Variants in IL1RAPL2 observed in about 807,000 individuals in gnomAD.
IL1RAPL2 encodes the protein X-linked interleukin-1 receptor accessory protein-like 2.
Under a neutral mutation model 44.1 loss-of-function variants are expected in IL1RAPL2, and 3 were observed. The ratio of observed to expected loss-of-function variants is 0.07; its 90% CI spans 0.03 to 0.18. The LOEUF (loss-of-function observed/expected upper bound fraction) is 0.18, where lower values mean the gene tolerates loss of function less well. Ranked by LOEUF, IL1RAPL2 falls within the 10% of genes least tolerant of loss-of-function variation. The pLI, the probability that IL1RAPL2 is intolerant of heterozygous loss-of-function variation, is 1.00. For missense variants in IL1RAPL2, 391 were observed against 496.4 expected (o/e 0.79, Z 2.02); for synonymous variants, 181 against 178.8 (o/e 1.01, Z -0.10).
intron 2 of IL1RAPL2, among the ~76,000 whole-genome samples, chrX:105,033,337 G>C (rs1011469683): frequency 2.7e-5 from 3 of 111,631 alleles, no homozygotes; most frequent in South Asian, 3.7e-4. Context: ...TTTACATTTT[G>C]GCATGTTTTT....
chrX:104,576,688 T>A lies in IL1RAPL2; in HGVS notation c.-20+9637T>A, dbSNP rs148580010. Among the ~76,000 whole-genome samples, 319 of 111,945 alleles carry A rather than the reference T, an allele frequency of 2.8e-3. 3 individuals are homozygous for A. Among genetic ancestry groups the A allele is most frequent in the African/African-American group, 9.7e-3 (300 of 30,884 alleles). On this transcript the variant is annotated intron_variant, in intron 1 of 10. Coordinates refer to ENST00000372582, the MANE Select transcript of IL1RAPL2 (RefSeq NM_017416.2). The stretch of plus-strand genomic sequence containing the variant: ...CCTAATAACTGCTTTATAATATCAT[T>A]TCCTTTGTTATCCAGCCTAAACTTT...
intron 7 of IL1RAPL2, among the ~76,000 whole-genome samples, chrX:105,738,519 T>C (rs2038468922): frequency 9.0e-6 from 1 of 111,412 alleles, no homozygotes; most frequent in African/African-American, 3.3e-5. Context: ...AGATGAGAAT[T>C]ACTTCTGCTT....
chrX:105,371,471 T>G (rs994433819), intron 5 of IL1RAPL2, among the ~76,000 whole-genome samples: 16 of 111,368 alleles, frequency 1.4e-4, no homozygotes, highest in Admixed American at 1.2e-3. Context: ...TTATCCCTAT[T>G]TTGAAAAAAT....
At chrX:105,241,369 T>C (rs2034169634) in intron 4 of IL1RAPL2, among the ~76,000 whole-genome samples, 1 of 111,943 alleles carries the variant, frequency 8.9e-6, no homozygotes, top group Admixed American at 9.5e-5. Context: ...AGGAAAGACT[T>C]AGCTTTCCAA....
intron 5 of IL1RAPL2, among the ~76,000 whole-genome samples, chrX:105,380,783 T>C (rs1475021581): frequency 8.9e-6 from 1 of 111,913 alleles, no homozygotes; most frequent in East Asian, 2.8e-4. Context: ...GTCTCCTTTG[T>C]ATTGATTGGC....
chrX:105,078,541 C>G (rs780521638), intron 2 of IL1RAPL2, among the ~76,000 whole-genome samples: 2 of 112,218 alleles, frequency 1.8e-5, no homozygotes, highest in Non-Finnish European at 3.8e-5. Context: ...GCTGGGAGAA[C>G]CACTACTCTC....
At chrX:105,186,403 A>G (rs1556133913) in intron 2 of IL1RAPL2, among the ~76,000 whole-genome samples, 1 of 111,990 alleles carries the variant, frequency 8.9e-6, no homozygotes. Flanking sequence ...TGGGATATGC[A>G]TGGAAGGTGG....
chrX:105,311,623 C>T lies in IL1RAPL2; in HGVS notation c.697+44082C>T, dbSNP rs948988252. ...GATTATACATACATACACACACACA[C>T]ACACACACACACACACACATATATA... is the stretch of plus-strand genomic sequence containing the variant. On this transcript the variant is annotated intron_variant, in intron 5 of 10. Transcript: ENST00000372582. Among the ~76,000 whole-genome samples, 26 of 96,580 alleles carry T rather than the reference C, an allele frequency of 2.7e-4. No homozygotes were observed. In the East Asian group the frequency reaches 3.2e-3, roughly 12 times the overall value. The allele number at this position is 96,580 out of a possible 115,157, so 83.9% of individuals were successfully genotyped here. A position where few individuals can be genotyped will look rare whatever the true frequency, so the allele number is the denominator to read the frequency against.
At chrX:104,603,254 T>C (rs1347427496) in intron 1 of IL1RAPL2, among the ~76,000 whole-genome samples, 1 of 110,704 alleles carries the variant, frequency 9.0e-6, no homozygotes. Flanking sequence ...GAAGGAAAAC[T>C]AACAGAAAGG....
chrX:105,054,494 C>A (rs1444329487), intron 2 of IL1RAPL2, among the ~76,000 whole-genome samples: 1 of 111,760 alleles, frequency 8.9e-6, no homozygotes, highest in Non-Finnish European at 1.9e-5. Context: ...CTATGTTGCC[C>A]AGGCTGGCCT....
At chrX:105,033,980 T>A (rs1295475729) in intron 2 of IL1RAPL2, among the ~76,000 whole-genome samples, 1 of 111,844 alleles carries the variant, frequency 8.9e-6, no homozygotes, top group Non-Finnish European at 1.9e-5. Flanking sequence ...CATTTCATGT[T>A]CCATCACAGA....
At chrX:104,666,096 AGT>A (rs775436800) in intron 2 of IL1RAPL2, among the ~76,000 whole-genome samples, 70 of 105,926 alleles carry the variant, frequency 6.6e-4, no homozygotes, top group Non-Finnish European at 1.1e-3. Context: ...TAACCTTAAA[AGT>A]GTGTGTGTGT....
chrX:104,853,371 C>A (rs1453113112), intron 2 of IL1RAPL2, among the ~76,000 whole-genome samples: 2 of 111,183 alleles, frequency 1.8e-5, no homozygotes, highest in Non-Finnish European at 3.8e-5. Context: ...AAGCCCTAGG[C>A]AATCTTTAAT....
chrX:104,835,996 G>T (rs1479738036), intron 2 of IL1RAPL2, among the ~76,000 whole-genome samples: 1 of 111,759 alleles, frequency 8.9e-6, no homozygotes, highest in African/African-American at 3.3e-5. Flanking sequence ...CTAATGGGAT[G>T]ATCCATTCTG....
At chrX:104,964,199 C>A (rs1274092501) in intron 2 of IL1RAPL2, among the ~76,000 whole-genome samples, 1 of 111,113 alleles carries the variant, frequency 9.0e-6, no homozygotes, top group Non-Finnish European at 1.9e-5. Flanking sequence ...TTTGTCTTTG[C>A]CTGAAAAATA....
rs113785568 is a variant in IL1RAPL2 at position 105,721,416 on chromosome X, C to CAA, written c.902+3930_902+3931dup. On this transcript the variant is annotated intron_variant, in intron 7 of 10. Transcript: ENST00000372582. Reference sequence around the variant, plus strand: ...GGGTGACAAGAGTGAAACTCCATCTCAAAAAAAAAAATCAAAATTAATACA... The same window carrying CAA: ...GGGTGACAAGAGTGAAACTCCATCTCAAAAAAAAAAAAATCAAAATTAATACA... Among the ~76,000 whole-genome samples the CAA allele has an allele frequency of 3.5e-4, 36 of 103,135 alleles. 1 individual carries two copies. The highest frequency in any genetic ancestry group is 4.9e-4 in the African/African-American group (14 of 28,292). The allele number at this position is 103,135 out of a possible 115,157, so 89.6% of individuals were successfully genotyped here.
intron 5 of IL1RAPL2, among the ~76,000 whole-genome samples, chrX:105,300,161 A>G (rs1224695672): frequency 8.9e-6 from 1 of 111,876 alleles, no homozygotes; most frequent in Non-Finnish European, 1.9e-5. Context: ...GGCCTGTATT[A>G]GGGCATTCTC....
intron 2 of IL1RAPL2, among the ~76,000 whole-genome samples, chrX:105,066,817 A>G (rs1220583114): frequency 4.5e-5 from 5 of 112,041 alleles, no homozygotes; most frequent in Non-Finnish European, 9.4e-5. Context: ...TAAGACAGAC[A>G]AGGCAATAGA....
intron 6 of IL1RAPL2, among the ~76,000 whole-genome samples, chrX:105,506,009 T>G (rs2036428669): frequency 9.0e-6 from 1 of 111,248 alleles, no homozygotes; most frequent in Non-Finnish European, 1.9e-5. Context: ...CCTCGGACAC[T>G]CTATTGAGAG....
Sources: gnomAD v4.1 joint callset for allele counts (sites outside exome capture counted in the v4.1 genomes callset) on GRCh38, gnomAD v4.1.1 for gene constraint, MANE v1.5 for transcripts, NCBI Gene and HGNC (gene_info 2026-07-23, HGNC 2026-07-21) for gene names.